EIF4E3: variants seen among roughly 807,000 people sequenced by gnomAD.
The protein encoded by EIF4E3 is eukaryotic translation initiation factor 4E type 3.
A neutral mutation model predicts 31.7 loss-of-function variants in EIF4E3; 26 were observed. That is an observed-to-expected ratio of 0.82 (90% CI 0.60 to 1.14). EIF4E3 has a LOEUF of 1.14. EIF4E3 is among the 50% of genes most tolerant of loss of function. EIF4E3 has a pLI of 0.00. For missense variants in EIF4E3, 304 were observed against 270.9 expected (o/e 1.12, Z -0.86); for synonymous variants, 128 against 107.7 (o/e 1.19, Z -1.17).
chr3:71,720,075 T>C (rs1480383545), intron 1 of EIF4E3, among the ~76,000 whole-genome samples: 1 of 151,738 alleles, frequency 6.6e-6, no homozygotes, highest in Non-Finnish European at 1.5e-5. Flanking sequence ...AAAAGCAATA[T>C]ATGAATGTAT....
intron 1 of EIF4E3, among the ~76,000 whole-genome samples, chr3:71,743,833 A>G (rs1206613660): frequency 1.3e-5 from 2 of 152,180 alleles, no homozygotes; most frequent in Non-Finnish European, 2.9e-5. Context: ...GTTTTTGACA[A>G]AGGTGCAGTA....
chr3:71,736,857 C>G (rs1461489166), intron 1 of EIF4E3, among the ~76,000 whole-genome samples: 1 of 152,082 alleles, frequency 6.6e-6, no homozygotes, highest in Non-Finnish European at 1.5e-5. Flanking sequence ...AAAATGCACC[C>G]ATCTGGTGTG....
intron 1 of EIF4E3, among the ~76,000 whole-genome samples, chr3:71,716,905 T>C (rs1426637773): frequency 1.3e-5 from 2 of 152,134 alleles, no homozygotes; most frequent in Admixed American, 6.5e-5. Context: ...CATTCAGACT[T>C]CCCAAATATG....
chr3:71,737,148 C>T (rs562342952), intron 1 of EIF4E3, among the ~76,000 whole-genome samples: 1 of 152,274 alleles, frequency 6.6e-6, no homozygotes, highest in East Asian at 1.9e-4. Flanking sequence ...CCCATCATCA[C>T]CCAGCAAGAG....
chr3:71,699,749 A>G, intron 2 of EIF4E3, 41 bp from the exon 3 acceptor site: 1 of 1,518,938 alleles, frequency 6.6e-7, no homozygotes, highest in Non-Finnish European at 9.1e-7. Context: ...TATACCCAGT[A>G]TTGATTTATT....
At chr3:71,734,760 C>A (rs968146382) in intron 1 of EIF4E3, among the ~76,000 whole-genome samples, 2 of 152,134 alleles carry the variant, frequency 1.3e-5, no homozygotes, top group Admixed American at 1.3e-4. Flanking sequence ...CAAATAGCAT[C>A]TTAATAAGTT....
downstream of EIF4E3, among the ~76,000 whole-genome samples, chr3:71,673,566 C>T (rs968993084): frequency 7.9e-5 from 12 of 151,844 alleles, no homozygotes; most frequent in East Asian, 1.9e-4. Context: ...AAAAAAACAC[C>T]GCTTATGACA....
chr3:71,716,144 G>C (rs761674502), intron 1 of EIF4E3, among the ~76,000 whole-genome samples: 1 of 152,158 alleles, frequency 6.6e-6, no homozygotes, highest in East Asian at 1.9e-4. Flanking sequence ...GAAAGCGCTA[G>C]ATGCCACTAG....
chr3:71,674,249 G>C (rs868791994), downstream of EIF4E3, among the ~76,000 whole-genome samples: 66 of 151,536 alleles, frequency 4.4e-4, no homozygotes, highest in African/African-American at 1.6e-3. Context: ...TGGAATTACA[G>C]TCGTGCACCA....
At chr3:71,666,653 TC>T in the EIF4E3 span, among the ~76,000 whole-genome samples, 7 of 152,180 alleles carry the variant, frequency 4.6e-5, no homozygotes, top group Non-Finnish European at 8.8e-5. Context: ...AAAGAGAATT[TC>T]AGCCCAGCAC....
At chr3:71,706,939 C>G (rs1022031079) in intron 2 of EIF4E3, among the ~76,000 whole-genome samples, 6 of 152,260 alleles carry the variant, frequency 3.9e-5, no homozygotes, top group Admixed American at 2.6e-4. Context: ...ATACTAAGGA[C>G]AATTTATCAG....
At chr3:71,714,127 G>A (rs926765178) in intron 1 of EIF4E3, among the ~76,000 whole-genome samples, 11 of 151,954 alleles carry the variant, frequency 7.2e-5, no homozygotes, top group East Asian at 1.9e-4. Flanking sequence ...CAGGAGAATC[G>A]TTTGAACCTG....
At chr3:71,696,436 A>G in intron 4 of EIF4E3, 24 bp downstream of exon 4, 1 of 1,613,790 alleles carries the variant, frequency 6.2e-7, no homozygotes, top group Non-Finnish European at 8.5e-7. Flanking sequence ...CGCCGGTTCT[A>G]GAAGAGGATC....
chr3:71,704,231 A>T (rs1253705431), intron 2 of EIF4E3, among the ~76,000 whole-genome samples: 1 of 152,190 alleles, frequency 6.6e-6, no homozygotes, highest in Non-Finnish European at 1.5e-5. Context: ...GTTAGTAAAA[A>T]CCAACTCTGA....
At chr3:71,741,873 C>T (rs1161405422) in intron 1 of EIF4E3, among the ~76,000 whole-genome samples, 3 of 152,114 alleles carry the variant, frequency 2.0e-5, no homozygotes, top group Non-Finnish European at 4.4e-5. Context: ...CTCTGGGAAT[C>T]CCCCAAATAC....
At chr3:71,705,519 C>T (rs1359540691) in intron 2 of EIF4E3, among the ~76,000 whole-genome samples, 2 of 152,198 alleles carry the variant, frequency 1.3e-5, no homozygotes, top group East Asian at 3.9e-4. Flanking sequence ...CTGTTTTATG[C>T]AAATTTAAAT....
chr3:71,662,113 G>A, the EIF4E3 span, among the ~76,000 whole-genome samples: 1 of 152,092 alleles, frequency 6.6e-6, no homozygotes, highest in South Asian at 2.1e-4. Flanking sequence ...TTTCCATTTT[G>A]TCTTAAGAAA....
chr3:71,698,538 C>T (rs977770833), intron 3 of EIF4E3, among the ~76,000 whole-genome samples: 1 of 152,180 alleles, frequency 6.6e-6, no homozygotes, highest in African/African-American at 2.4e-5. Context: ...CTGTGAGATC[C>T]ACTCAGGCAG....
At chr3:71,747,180 G>A (rs1184521420) in intron 1 of EIF4E3, among the ~76,000 whole-genome samples, 2 of 152,156 alleles carry the variant, frequency 1.3e-5, no homozygotes, top group Non-Finnish European at 2.9e-5. Flanking sequence ...GTAACTCTAT[G>A]TTTAACTTTT....
Sources: gnomAD v4.1 joint callset for allele counts (sites outside exome capture counted in the v4.1 genomes callset) on GRCh38, gnomAD v4.1.1 for gene constraint, MANE v1.5 for transcripts, NCBI Gene and HGNC (gene_info 2026-07-23, HGNC 2026-07-21) for gene names.